The following TPR variants were observed in gnomAD, a reference collection of about 807,000 sequenced individuals.
TPR encodes translocated promoter region, nuclear basket protein.
In TPR, 51 loss-of-function variants were observed where a neutral mutation model predicts 316.1. The observed-to-expected ratio is 0.16, with a 90% CI of 0.13 to 0.20. The LOEUF (loss-of-function observed/expected upper bound fraction) is 0.20. TPR is among the 10% of genes least tolerant of loss of function. The pLI is 1.00. For synonymous variants in TPR, 981 were observed against 914.7 expected, an observed-to-expected ratio of 1.07 and a Z score of -1.31; for missense variants, 2,272 against 2,754.8, an observed-to-expected ratio of 0.82 and a Z score of 3.92.
At position 186,341,172 on chromosome 1, in the gene TPR, C is replaced by T; in HGVS notation, c.3889-13G>A. ...CCAGTTTCCTCACCTGAAAATCATG[C>T]CAATATTTAACAACAAATGTAAAAA... On this transcript the variant is annotated splice_polypyrimidine_tract_variant and intron_variant, in intron 28 of 50. Transcript: ENST00000367478. 8 of 1,613,044 alleles carry T rather than the reference C, an allele frequency of 5.0e-6. No homozygotes were observed. The highest frequency in any genetic ancestry group is 6.8e-6 in the Non-Finnish European group (8 of 1,179,788).
In TPR at chr1:186,371,003, A is replaced by C; in HGVS notation, c.297T>G (p.Leu99=). The C allele has an allele frequency of 6.2e-7, 1 of 1,613,048 alleles. No homozygotes were observed. Among genetic ancestry groups the C allele is most frequent in the South Asian group, 1.1e-5 (1 of 91,066 alleles). ...LKALTEKNKE[L]EIAQDRNIAI... ...CAATATTGCGATCCTGAGCAATTTC[A>C]AGTTCTTTGTTTTTCTCAGTTAGTG... Residue 99 remains leucine, a synonymous_variant, in exon 3 of 51, where the codon CTT becomes CTG. Coordinates refer to ENST00000367478, the MANE Select transcript of TPR (RefSeq NM_003292.3).
rs751888516 is a variant in TPR, at chr1:186,339,647, A to C, written c.4146T>G (p.Ile1382Met). ...TEEIGRLKAE[I>M]ARSNASLTNN... ...TAAGGCTTCTTTCCATATACCTTGC[A>C]ATTTCAGCTTTAAGTCTACCAATTT... Residue 1382 changes from isoleucine (I) to methionine (M), a missense_variant, in exon 30 of 51, where the codon ATT (isoleucine) becomes ATG (methionine). Ile to Met is a conservative substitution (Grantham distance 10, BLOSUM62 1). This residue lies in a region of TPR where 96 missense variants were observed against 134.6 expected (regional missense o/e 0.71). Coordinates refer to ENST00000367478, the MANE Select transcript of TPR (RefSeq NM_003292.3). 6.3e-7 allele frequency: 1 copy of C among 1,575,204 alleles called. No homozygotes were observed. The highest frequency in any genetic ancestry group is 1.4e-5 in the African/African-American group (1 of 72,640).
Position 186,323,717 on chromosome 1 carries a change from G to A in TPR, c.6266C>T (p.Ala2089Val). The A allele has an allele frequency of 6.6e-7, 1 of 1,513,128 alleles. No individual in the cohort carries two copies. Among genetic ancestry groups the A allele is most frequent in the Non-Finnish European group, 8.7e-7 (1 of 1,144,250 alleles). The allele number at this position is 1,513,128 out of a possible 1,614,324, so 93.7% of individuals were successfully genotyped here. The change falls in exon 43 of 51, where the codon GCC (alanine) becomes GTC (valine). Residue 2089 changes from alanine to valine, a missense_variant. Physicochemically the swap from Ala to Val is moderately conservative, Grantham distance 64. This residue lies in a region of TPR where 435 missense variants were observed against 461.1 expected (regional missense o/e 0.94). Transcript: ENST00000367478. ...HPLPPRLTIH[A>V]PPQELGPPVQ... The stretch of plus-strand genomic sequence containing the variant: ...TGGTGGTCCCAACTCCTGAGGTGGG[G>A]CATGAATGGTCAGTCTTGGGGGAAG...
intron 30 of TPR, among the ~76,000 whole-genome samples, chr1:186,339,374 T>C (rs1188157664): frequency 8.0e-6 from 1 of 125,572 alleles, no homozygotes; most frequent in Non-Finnish European, 1.7e-5. Flanking sequence ...TTTTGATAGC[T>C]GTAAATTTAG....
Position 186,318,575 on chromosome 1 carries a change from A to T in TPR, c.6693T>A (p.Ser2231=). 6.2e-7 allele frequency: 1 copy of T among 1,613,374 alleles called. No homozygotes were observed. Among genetic ancestry groups the T allele is most frequent in the Middle Eastern group, 1.7e-4 (1 of 6,054 alleles). ...PVTVFTESTT[S]DASEHASQSV... ...ATTGAGAGGCATGTTCCGAAGCATC[A>T]GAGGTGGTGCTCTCAGTAAATACAG... is the stretch of plus-strand genomic sequence containing the variant. Residue 2231 remains serine, a synonymous_variant, in exon 48 of 51, where the codon TCT becomes TCA. Coordinates refer to ENST00000367478, the MANE Select transcript of TPR (RefSeq NM_003292.3).
rs1401750032 is a variant in TPR at position 186,353,807 on chromosome 1, T to C, written c.2215A>G (p.Ile739Val). The C allele has an allele frequency of 1.9e-6, 3 of 1,614,022 alleles. No homozygotes were observed. In the East Asian group the frequency reaches 6.7e-5, roughly 36 times the overall value. ...QDNVEGYRRE[I>V]TSLHERNQKL... ...TGATTTCTCTCATGAAGTGATGTTA[T>C]TTCTCGACGATATCCTTCAACATTA... Residue 739 changes from isoleucine (I) to valine (V), a missense_variant, in exon 18 of 51, where the codon ATA becomes GTA. Physicochemically the swap from Ile to Val is conservative, Grantham distance 29 (BLOSUM62 3). Around this residue, in one of 10 missense-constraint regions of TPR, gnomAD observed 757 missense variants for 859.8 expected, o/e 0.88. Transcript: ENST00000367478.
rs1571613579 is a variant in TPR at position 186,336,636 on chromosome 1, T to A, written c.4565A>T (p.Gln1522Leu). ...RNLQEQTVQL[Q>L]SELSRLRQDL... ...CTGACGAAGTCGTGAAAGTTCAGAC[T>A]GAAGTTGCACAGTCTGTTCCTGGAG... The change falls in exon 33 of 51, where the codon CAG (glutamine) becomes CTG (leucine). Residue 1522 changes from glutamine to leucine, a missense_variant. By Grantham distance (113) the Gln-to-Leu change is moderately radical. Transcript: ENST00000367478. 5 of 1,613,878 alleles carry A rather than the reference T, an allele frequency of 3.1e-6. No individual in the cohort carries two copies. In the East Asian group the frequency reaches 1.1e-4, roughly 36 times the overall value.
chr1:186,369,086 C>G (rs916221979), intron 3 of TPR, among the ~76,000 whole-genome samples: 2 of 152,182 alleles, frequency 1.3e-5, no homozygotes, highest in Non-Finnish European at 2.9e-5. Flanking sequence ...TCTAGGCTCT[C>G]TATTCTATTC....
intron 39 of TPR, among the ~76,000 whole-genome samples, 162 bp from the exon 40 acceptor site, chr1:186,327,822 C>A (rs1658047311): frequency 6.6e-6 from 1 of 151,786 alleles, no homozygotes; most frequent in African/African-American, 2.4e-5. Flanking sequence ...GCTCTTGTCA[C>A]CCTGGCTGGA....
chr1:186,363,649 C>A (rs1286286417), intron 4 of TPR, among the ~76,000 whole-genome samples: 1 of 151,894 alleles, frequency 6.6e-6, no homozygotes, highest in East Asian at 1.9e-4. Context: ...CAAAAACTTA[C>A]AATTTGAAAA....
chr1:186,366,170 C>T (rs185378483), intron 4 of TPR, among the ~76,000 whole-genome samples: 9 of 152,256 alleles, frequency 5.9e-5, no homozygotes, highest in East Asian at 5.8e-4. Context: ...GGCTGTATTT[C>T]GTAAAGTTAC....
At chr1:186,355,877 TTGAAA>T in intron 15 of TPR, 109 bp from the exon 16 acceptor site, 3 of 1,311,222 alleles carry the variant, frequency 2.3e-6, no homozygotes, top group Non-Finnish European at 2.1e-6. Flanking sequence ...GCTAAACTTA[TTGAAA>T]TGAAACAATA....
rs1478450979 is a variant in TPR, at chr1:186,317,552, C to G, written c.6870G>C (p.Glu2290Asp). The G allele has an allele frequency of 1.6e-5, 26 of 1,614,090 alleles. No individual in the cohort carries two copies. The East Asian group carries it at 5.8e-4, about 36-fold the overall frequency. Reference sequence around the variant, plus strand: ...CTGACTCATCAGATGCTTGAACCGGCTCTTCTTCCTGCTGGCTATCAATTT... The same window carrying G: ...CTGACTCATCAGATGCTTGAACCGGGTCTTCTTCCTGCTGGCTATCAATTT... Reference protein sequence around the residue: ...GLEIDSQQEEEPVQASDESDL... With the variant: ...GLEIDSQQEEDPVQASDESDL... Residue 2290 changes from glutamate to aspartate, a missense_variant, in exon 49 of 51, where the codon GAG becomes GAC. Coordinates refer to ENST00000367478, the MANE Select transcript of TPR (RefSeq NM_003292.3).
chr1:186,345,397 T>C (rs1268866936), intron 24 of TPR, among the ~76,000 whole-genome samples, 183 bp downstream of exon 24: 1 of 152,224 alleles, frequency 6.6e-6, no homozygotes, highest in Non-Finnish European at 1.5e-5. Context: ...TTAATGAATA[T>C]TGCCCTATGT....
rs972101563 is a variant in TPR, at chr1:186,361,840, C to T, written c.819G>A (p.Glu273=). The part of the protein sequence containing the change: ...EAKEQQASME[E]KFHNELNAHI... ...GGGCATTTAATTCATTGTGGAATTT[C>T]TCTTCCATACTGGCCTGTTGTTCCT... Residue 273 remains glutamate, a synonymous_variant, in exon 8 of 51, where the codon GAG becomes GAA. Transcript: ENST00000367478. 3 of 1,612,978 alleles carry T rather than the reference C, an allele frequency of 1.9e-6. No homozygotes were observed. Among genetic ancestry groups the T allele is most frequent in the Non-Finnish European group, 1.7e-6 (2 of 1,179,234 alleles).
At chr1:186,328,469 G>C (rs182284465) in intron 39 of TPR, among the ~76,000 whole-genome samples, 3 of 151,940 alleles carry the variant, frequency 2.0e-5, no homozygotes, top group Admixed American at 2.0e-4. Flanking sequence ...TTTTATATTT[G>C]TATCAATTTG....
Position 186,327,624 on chromosome 1 carries a change from T to C in TPR, c.5725A>G (p.Ser1909Gly), listed in dbSNP as rs773527667. ...TGTAGAGACTGAGAGGTTTCTTCAC[T>C]GTCTTCCATAGGTGTATAATCTCCC... ...TQGDYTPMED[S>G]EETSQSLQID... is the part of the protein sequence containing the mutation. Residue 1909 changes from serine (S) to glycine (G), a missense_variant, in exon 40 of 51, where the codon AGT becomes GGT. Ser to Gly is a moderately conservative substitution (Grantham distance 56). Around this residue, in one of 10 missense-constraint regions of TPR, gnomAD observed 435 missense variants for 461.1 expected, o/e 0.94. Transcript: ENST00000367478. 3 of 1,613,202 alleles carry C rather than the reference T, an allele frequency of 1.9e-6. No individual in the cohort carries two copies. Among genetic ancestry groups the C allele is most frequent in the East Asian group, 2.2e-5 (1 of 44,830 alleles).
intron 5 of TPR, 123 bp from the exon 6 acceptor site, chr1:186,363,124 A>G: frequency 8.7e-7 from 1 of 1,152,214 alleles, no homozygotes; most frequent in Non-Finnish European, 1.2e-6. Flanking sequence ...AAGTATTTGC[A>G]TAGATTCTTA....
Position 186,360,332 on chromosome 1 carries a change from T to C in TPR, c.1132A>G (p.Met378Val). The change falls in exon 11 of 51, where the codon ATG becomes GTG. Residue 378 changes from methionine to valine, a missense_variant. By Grantham distance (21) the Met-to-Val change is conservative. This residue lies in a region of TPR where 549 missense variants were observed against 598.6 expected (regional missense o/e 0.92). Coordinates refer to ENST00000367478, the MANE Select transcript of TPR (RefSeq NM_003292.3). ...GCTACAGCTGCTGCAGTAGGAGACA[T>C]GGCGGCAAGCTCTTCTTCAGACAAT... ...AILSEEELAA[M>V]SPTAAAVAKI... The C allele has an allele frequency of 1.9e-6, 3 of 1,613,476 alleles. No individual in the cohort carries two copies. Among genetic ancestry groups the C allele is most frequent in the South Asian group, 1.1e-5 (1 of 91,060 alleles).
Sources: allele counts gnomAD v4.1 joint callset (sites outside exome capture counted in the v4.1 genomes callset), GRCh38; gene constraint gnomAD v4.1.1; regional missense constraint gnomAD v4.1.1; transcripts MANE v1.5; gene names NCBI Gene and HGNC (gene_info 2026-07-23, HGNC 2026-07-21).